Variants in NBPF14 observed in about 807,000 individuals in gnomAD.
NBPF14 encodes NBPF member 14, also known as NBPF family member NBPF14.
A neutral mutation model predicts 91.2 loss-of-function variants in NBPF14; 104 were observed. That is an observed-to-expected ratio of 1.14 (90% CI 0.97 to 1.34). The LOEUF (loss-of-function observed/expected upper bound fraction) is 1.34, where lower values mean the gene tolerates loss of function less well. Ranked by LOEUF, NBPF14 falls within the 40% of genes most tolerant of loss-of-function variation. The pLI, the probability that NBPF14 is intolerant of heterozygous loss-of-function variation, is 0.00. For synonymous variants in NBPF14, 294 were observed against 303.8 expected (o/e 0.97, Z 0.34); for missense variants, 908 against 783.0 (o/e 1.16, Z -1.91).
chr1:148,559,674 T>C (rs1469011880), intron 37 of NBPF14, 119 bp downstream of exon 37: 15 of 648,952 alleles, frequency 2.3e-5, no homozygotes, highest in Non-Finnish European at 3.2e-5. Context: ...TACATGTGCC[T>C]ATAGGTCCTC....
chr1:148,566,508 G>C (rs1403945501), intron 28 of NBPF14, among the ~76,000 whole-genome samples, 193 bp from the exon 29 acceptor site: 1 of 122,018 alleles, frequency 8.2e-6, no homozygotes. Flanking sequence ...GAGAAAGACA[G>C]ACACACACAC....
intron 37 of NBPF14, among the ~76,000 whole-genome samples, chr1:148,559,453 A>G (rs1460917334): frequency 7.5e-6 from 1 of 132,506 alleles, no homozygotes; most frequent in Non-Finnish European, 1.5e-5. Context: ...AGGATTTCAG[A>G]CGCTGAAATT....
chr1:148,534,856 C>A (rs1223606223), exon 69 of NBPF14: 6 of 959,168 alleles, frequency 6.3e-6, no homozygotes, highest in African/African-American at 3.8e-5. Context: ...CCCTGCTGAG[C>A]CTGGAAAAGT....
intron 28 of NBPF14, among the ~76,000 whole-genome samples, chr1:148,566,569 C>T (rs1356659200): frequency 7.0e-6 from 1 of 143,460 alleles, no homozygotes; most frequent in Non-Finnish European, 1.6e-5. Context: ...AGAGAACGAG[C>T]TCAGTGAATT....
chr1:148,585,046 GT>G, intron 10 of NBPF14, 94 bp downstream of exon 10: 17 of 764,780 alleles, frequency 2.2e-5, no homozygotes, highest in Non-Finnish European at 1.2e-5. Context: ...GCGAATGCGG[GT>G]TTTTGGCCCA....
At chr1:148,586,642 G>T (rs1661573463) in intron 8 of NBPF14, among the ~76,000 whole-genome samples, 173 bp from the exon 9 acceptor site, 1 of 147,738 alleles carries the variant, frequency 6.8e-6, no homozygotes, top group Non-Finnish European at 1.5e-5. Context: ...TGGTTTACAG[G>T]CTTCCTCTGT....
At chr1:148,561,778 C>A (rs1176972131) in intron 34 of NBPF14, among the ~76,000 whole-genome samples, 199 bp from the exon 35 acceptor site, 1 of 43,726 alleles carries the variant, frequency 2.3e-5, no homozygotes, top group African/African-American at 2.1e-4. Context: ...GACAGATAGA[C>A]ACACACACAC....
rs1407004656 is a variant in NBPF14, at chr1:148,533,880, G to A, written c.8704C>T (p.Gln2902Ter). Residue 2902 changes from glutamine (Q) to a stop codon, truncating the protein, a stop_gained, in exon 70 of 71, where the codon CAA (glutamine) becomes TAA (stop). Coordinates refer to ENST00000619423, the Ensembl canonical transcript of NBPF14. LOFTEE classifies it high-confidence loss of function. ...AGTCACCTGGGGCATGGTGGGTTTT[G>A]ATCTTCTTCCCCTTCTTTTCTTCCC... is the stretch of plus-strand genomic sequence containing the variant. 2 of 762,390 alleles carry A rather than the reference G, an allele frequency of 2.6e-6. No homozygotes were observed. Among genetic ancestry groups the A allele is most frequent in the Non-Finnish European group, 4.8e-6 (2 of 417,430 alleles). The allele number at this position is 762,390 out of a possible 1,614,324, so 47.2% of individuals were successfully genotyped here. A position where few individuals can be genotyped will look rare whatever the true frequency, so the allele number is the denominator to read the frequency against.
In NBPF14 at chr1:148,533,853, A is replaced by G. The variant is rs1654305872; in HGVS notation, c.8723+8T>C. The G allele has an allele frequency of 1.3e-6, 1 of 765,062 alleles. No homozygotes were observed. The highest frequency in any genetic ancestry group is 2.4e-6 in the Non-Finnish European group (1 of 418,216). 47.4% of individuals were successfully genotyped at this position (765,062 alleles called of 1,614,324 possible). ...CAGAACTAAGGATCCACAATTGCTG[A>G]AAGTCACCTGGGGCATGGTGGGTTT... On this transcript the variant is annotated splice_region_variant and intron_variant, in intron 70 of 70. Transcript: ENST00000619423.
At chr1:148,588,715 G>C (rs1661984105) in intron 7 of NBPF14, among the ~76,000 whole-genome samples, 1 of 151,810 alleles carries the variant, frequency 6.6e-6, no homozygotes, top group Admixed American at 6.6e-5. Flanking sequence ...AAGCCCCTCA[G>C]AGCAGGTACT....
chr1:148,533,862 T>G (rs1355126180), exon 70 of NBPF14: 2 of 764,228 alleles, frequency 2.6e-6, no homozygotes, highest in Non-Finnish European at 4.8e-6. Flanking sequence ...GAAAGTCACC[T>G]GGGGCATGGT....
chr1:148,591,377 C>A lies in NBPF14; in HGVS notation c.566+55G>T, dbSNP rs1390074916. The A allele has an allele frequency of 7.9e-4, 1,198 of 1,507,938 alleles. 8 individuals carry two copies. The highest frequency in any genetic ancestry group is 3.3e-3 in the Middle Eastern group (14 of 4,262). The allele number at this position is 1,507,938 out of a possible 1,614,324, so 93.4% of individuals were successfully genotyped here. A position where few individuals can be genotyped will look rare whatever the true frequency, so the allele number is the denominator to read the frequency against. On this transcript the variant is annotated intron_variant, in intron 5 of 70. Coordinates refer to ENST00000619423, the Ensembl canonical transcript of NBPF14. ...ATAGATGCCAGAGAGGGTGTGCCTC[C>A]TAGACATTTTCATACGTTACCACCC...
exon 37 of NBPF14, chr1:148,559,925 A>G (rs1657407779): frequency 5.2e-6 from 7 of 1,354,920 alleles, no homozygotes; most frequent in South Asian, 1.3e-5. Flanking sequence ...GAGTCCTGCA[A>G]GACTTCAGGC....
At chr1:148,532,449 T>A in exon 71 of NBPF14, 1 of 155,734 alleles carries the variant, frequency 6.4e-6, no homozygotes, top group Non-Finnish European at 1.4e-5. Context: ...AATTGGAGGC[T>A]GAAGGACTGT....
At chr1:148,557,100 A>T (rs1377372103) in intron 40 of NBPF14, among the ~76,000 whole-genome samples, 2 of 127,732 alleles carry the variant, frequency 1.6e-5, no homozygotes, top group Admixed American at 7.7e-5. Flanking sequence ...AGAGAGAGAG[A>T]GAACGAGCTC....
chr1:148,585,289 G>A (rs1661324953), intron 9 of NBPF14, 76 bp from the exon 10 acceptor site: 2 of 1,091,570 alleles, frequency 1.8e-6, no homozygotes, highest in Non-Finnish European at 2.8e-6. Context: ...ATGTGCAACA[G>A]AGACATGAAC....
chr1:148,578,937 G>C, intron 13 of NBPF14, 137 bp downstream of exon 13: 1 of 687,706 alleles, frequency 1.5e-6, no homozygotes, highest in Non-Finnish European at 2.6e-6. Context: ...CAGAGTGACT[G>C]AAATCTACAT....
chr1:148,532,093 C>G (rs1394900961), exon 71 of NBPF14: 3 of 152,220 alleles, frequency 2.0e-5, no homozygotes, highest in African/African-American at 7.2e-5. Context: ...AGAAATGCAG[C>G]TACATTATCT....
intron 43 of NBPF14, among the ~76,000 whole-genome samples, chr1:148,554,707 T>C: frequency 6.7e-6 from 1 of 149,420 alleles, no homozygotes; most frequent in South Asian, 2.1e-4. Context: ...TCTCATCAAA[T>C]ACTCAGATTG....
Sources: allele counts gnomAD v4.1 joint callset (sites outside exome capture counted in the v4.1 genomes callset), GRCh38; gene constraint gnomAD v4.1.1; transcripts MANE v1.5; gene names NCBI Gene and HGNC (gene_info 2026-07-23, HGNC 2026-07-21).